Variants in CPVL observed in about 807,000 individuals in gnomAD.
CPVL encodes probable serine carboxypeptidase CPVL.
CPVL carries 51 observed loss-of-function variants against 63.7 expected under a neutral mutation model. The ratio of observed to expected loss-of-function variants is 0.80; its 90% CI spans 0.64 to 1.01. CPVL has a LOEUF of 1.01. CPVL is among the 50% of genes least tolerant of loss of function. CPVL has a pLI of 0.00. For missense variants in CPVL, 530 were observed against 573.1 expected, an observed-to-expected ratio of 0.92 and a Z score of 0.77; for synonymous variants, 195 against 206.0, an observed-to-expected ratio of 0.95 and a Z score of 0.46.
chr7:29,142,636 C>G lies in CPVL; in HGVS notation c.-11+3793G>C, dbSNP rs1382167996. 2.0e-5 allele frequency among the ~76,000 whole-genome samples: 3 copies of G among 150,784 alleles called. No individual in the cohort carries two copies. The East Asian group carries it at 5.9e-4, about 30-fold the overall frequency. On this transcript the variant is annotated intron_variant, in intron 1 of 12. Transcript: ENST00000265394. The stretch of plus-strand genomic sequence containing the variant: ...CTGCTGCCGGGTTGCAGCGATTCTC[C>G]CGCCTCAGCCTCCTGAGTAGTTGGG...
At chr7:29,001,907 A>ATT (rs1436433620) in intron 12 of CPVL, among the ~76,000 whole-genome samples, 4 of 152,358 alleles carry the variant, frequency 2.6e-5, no homozygotes, top group Middle Eastern at 3.4e-3. Context: ...AATAGCATGT[A>ATT]CCAAACCAAT....
chr7:29,087,600 C>G (rs1011109599), intron 6 of CPVL, among the ~76,000 whole-genome samples: 3 of 152,132 alleles, frequency 2.0e-5, no homozygotes, highest in African/African-American at 7.2e-5. Flanking sequence ...CTCAGTAGCT[C>G]TATGAGTGTT....
At chr7:29,081,454 G>A (rs769546910) in intron 7 of CPVL, 6 of 152,154 alleles carry the variant, frequency 3.9e-5, no homozygotes, top group Admixed American at 1.3e-4. Context: ...ACTTTCTCTG[G>A]TGTGGCCACA....
At chr7:29,073,854 T>G (rs1267948844) in intron 7 of CPVL, among the ~76,000 whole-genome samples, 3 of 152,204 alleles carry the variant, frequency 2.0e-5, no homozygotes, top group African/African-American at 7.2e-5. Context: ...AATAAATAGT[T>G]GTTGAATGAA....
At chr7:29,187,382 A>G (rs969320415) in intron 1 of CPVL, among the ~76,000 whole-genome samples, 7 of 152,030 alleles carry the variant, frequency 4.6e-5, no homozygotes, top group African/African-American at 1.7e-4. Flanking sequence ...AGAGAGACAG[A>G]GAGCACTTGA....
intron 1 of CPVL, among the ~76,000 whole-genome samples, chr7:29,130,288 G>A (rs1397588355): frequency 6.6e-6 from 1 of 152,158 alleles, no homozygotes; most frequent in East Asian, 1.9e-4. Context: ...GCTGGAAAAG[G>A]GAAGCAAAAC....
chr7:29,134,503 A>C (rs1157854894), intron 1 of CPVL, among the ~76,000 whole-genome samples: 1 of 152,220 alleles, frequency 6.6e-6, no homozygotes, highest in African/African-American at 2.4e-5. Context: ...AAGAAATAGC[A>C]ATGTATGAAG....
chr7:29,116,670 T>C (rs1788805040), intron 2 of CPVL, among the ~76,000 whole-genome samples: 1 of 152,166 alleles, frequency 6.6e-6, no homozygotes, highest in Non-Finnish European at 1.5e-5. Context: ...AGATCATAAG[T>C]AACAATAAAT....
intron 1 of CPVL, among the ~76,000 whole-genome samples, chr7:29,123,844 C>G (rs540659275): frequency 6.6e-6 from 1 of 150,898 alleles, no homozygotes; most frequent in Non-Finnish European, 1.5e-5. Flanking sequence ...TACAGCACTT[C>G]CCTTGTAAGC....
chr7:29,011,202 T>A (rs1460515383), intron 12 of CPVL: 1 of 152,216 alleles, frequency 6.6e-6, no homozygotes, highest in Non-Finnish European at 1.5e-5. Context: ...ATGCATGGGT[T>A]CTTAATCTGT....
rs369704497 is a variant in CPVL at position 29,144,461 on chromosome 7, TGAGGCACAA to T, written c.-11+1959_-11+1967del. 3.9e-5 allele frequency among the ~76,000 whole-genome samples: 6 copies of T among 152,240 alleles called. No individual in the cohort carries two copies. The East Asian group carries it at 1.2e-3, about 30-fold the overall frequency. ...CTGTAATTCCAGCTACTCAGGAGGC[TGAGGCACAA>T]GAATCCCTTGAACCCGGGAGATGGA... is the stretch of plus-strand genomic sequence containing the variant. On this transcript the variant is annotated intron_variant, in intron 1 of 12. Transcript: ENST00000265394.
chr7:29,065,128 AAAAC>A (rs1783023169), intron 10 of CPVL, among the ~76,000 whole-genome samples: 1 of 152,134 alleles, frequency 6.6e-6, no homozygotes, highest in Non-Finnish European at 1.5e-5. Flanking sequence ...CTTTAAAAAA[AAAAC>A]AGTTACACAA....
chr7:29,185,051 A>G (rs138679841), intron 3 of CPVL, among the ~76,000 whole-genome samples: 2 of 152,300 alleles, frequency 1.3e-5, no homozygotes, highest in African/African-American at 2.4e-5. Context: ...TTATTTTCAT[A>G]TATTCAGAAC....
In CPVL at chr7:29,077,894, G is replaced by T. The variant is rs139688083; in HGVS notation, c.610-5471C>A. ...ACCATGAGGGCAAGACTAGGCTAGG[G>T]CGACCTACCTTGGCTTCATCTAGCC... is the stretch of plus-strand genomic sequence containing the variant. On this transcript the variant is annotated intron_variant, in intron 7 of 12. Transcript: ENST00000265394. 1.8e-3 allele frequency among the ~76,000 whole-genome samples: 274 copies of T among 152,262 alleles called. 3 individuals are homozygous for T. The highest frequency in any genetic ancestry group is 6.3e-3 in the African/African-American group (262 of 41,546).
chr7:29,144,377 A>G (rs1473311212), intron 1 of CPVL, among the ~76,000 whole-genome samples: 1 of 152,162 alleles, frequency 6.6e-6, no homozygotes, highest in Non-Finnish European at 1.5e-5. Context: ...CCTGGGCAAC[A>G]TGGCAAAACC....
upstream of CPVL, among the ~76,000 whole-genome samples, chr7:29,150,686 T>C (rs1396301953): frequency 1.3e-5 from 2 of 152,254 alleles, no homozygotes; most frequent in Non-Finnish European, 2.9e-5. Flanking sequence ...TTGATTAACC[T>C]TGTAGGCAAT....
intron 1 of CPVL, among the ~76,000 whole-genome samples, chr7:29,191,291 A>G (rs905438900): frequency 6.6e-6 from 1 of 152,236 alleles, no homozygotes; most frequent in African/African-American, 2.4e-5. Flanking sequence ...AATAAGACAG[A>G]GCATGAGATC....
intron 1 of CPVL, chr7:29,194,831 G>T: frequency 9.9e-7 from 1 of 1,010,702 alleles, no homozygotes; most frequent in Non-Finnish European, 1.3e-6. Flanking sequence ...CGCGTCCCCA[G>T]GACTTTGCCA....
At chr7:29,175,075 A>C (rs1797109117) in intron 5 of CPVL, among the ~76,000 whole-genome samples, 1 of 152,126 alleles carries the variant, frequency 6.6e-6, no homozygotes, top group African/African-American at 2.4e-5. Flanking sequence ...ATGTTGTGGC[A>C]GGGACCCAGT....
Sources: gnomAD v4.1 joint callset for allele counts (sites outside exome capture counted in the v4.1 genomes callset) on GRCh38, gnomAD v4.1.1 for gene constraint, MANE v1.5 for transcripts, NCBI Gene and HGNC (gene_info 2026-07-23, HGNC 2026-07-21) for gene names.